The following SUPT3H variants were observed in gnomAD, a reference collection of about 807,000 sequenced individuals.
SUPT3H encodes transcription initiation protein SPT3 homolog.
SUPT3H carries 44 observed loss-of-function variants against 44.3 expected under a neutral mutation model. The observed-to-expected ratio is 0.99, with a 90% CI of 0.78 to 1.28. SUPT3H has a LOEUF of 1.28. SUPT3H is among the 50% of genes most tolerant of loss of function. The pLI is 0.00. For synonymous variants in SUPT3H, 124 were observed against 125.6 expected, an observed-to-expected ratio of 0.99 and a Z score of 0.09; for missense variants, 380 against 387.1, an observed-to-expected ratio of 0.98 and a Z score of 0.15.
intron 9 of SUPT3H, among the ~76,000 whole-genome samples, chr6:44,933,395 G>C (rs1409596974): frequency 6.6e-6 from 1 of 152,132 alleles, no homozygotes; most frequent in Non-Finnish European, 1.5e-5. Flanking sequence ...TTTGCGATGA[G>C]AGTGTGAATA....
At chr6:44,888,447 A>G (rs1762704075) in intron 10 of SUPT3H, among the ~76,000 whole-genome samples, 1 of 152,224 alleles carries the variant, frequency 6.6e-6, no homozygotes, top group Non-Finnish European at 1.5e-5. Context: ...CCTGGGATGC[A>G]AGGCTGGTTC....
At chr6:44,905,203 C>T (rs1765797528) in intron 10 of SUPT3H, among the ~76,000 whole-genome samples, 2 of 151,978 alleles carry the variant, frequency 1.3e-5, no homozygotes, top group Non-Finnish European at 2.9e-5. Flanking sequence ...TTCTGCACAG[C>T]AAAAGAAACT....
At chr6:44,810,355 G>A (rs535372429) in intron 11 of SUPT3H, among the ~76,000 whole-genome samples, 3 of 152,176 alleles carry the variant, frequency 2.0e-5, no homozygotes, top group Non-Finnish European at 4.4e-5. Flanking sequence ...TTACAGAAAT[G>A]ATGACAGTAG....
intron 2 of SUPT3H, among the ~76,000 whole-genome samples, chr6:45,165,810 GA>G (rs1024479897): frequency 6.6e-6 from 1 of 151,254 alleles, no homozygotes; most frequent in South Asian, 2.1e-4. Context: ...AAACAAAGGG[GA>G]AAAAAAAGAC....
At chr6:45,200,076 CA>C (rs1289438969) in intron 2 of SUPT3H, among the ~76,000 whole-genome samples, 2 of 151,176 alleles carry the variant, frequency 1.3e-5, no homozygotes, top group Non-Finnish European at 3.0e-5. Flanking sequence ...TTCTGTGCGA[CA>C]GATAAAAATC....
In SUPT3H at chr6:44,953,296, T is replaced by A; in HGVS notation, c.801+14A>T. 1 of 1,607,292 alleles carries A rather than the reference T, an allele frequency of 6.2e-7. No individual in the cohort carries two copies. On this transcript the variant is annotated intron_variant, in intron 9 of 10. Coordinates refer to ENST00000371459, the MANE Select transcript of SUPT3H (RefSeq NM_003599.4). ...ATTCACAAATGTTTTAAGACAGATT[T>A]TTTTTGTACTTACCTCAGCAGAGTT...
intron 10 of SUPT3H, among the ~76,000 whole-genome samples, chr6:44,886,105 A>G (rs1277262911): frequency 1.3e-5 from 2 of 152,234 alleles, no homozygotes; most frequent in Non-Finnish European, 2.9e-5. Flanking sequence ...TCCAAGAAAT[A>G]TGGGACTACG....
chr6:45,130,711 AC>A (rs1216033961), intron 2 of SUPT3H, among the ~76,000 whole-genome samples: 820 of 56,212 alleles, frequency 0.015, 36 homozygotes, highest in Non-Finnish European at 0.026. Flanking sequence ...AAAAAAAACC[AC>A]TTTTTTTTTT....
rs531330863 is a variant in SUPT3H, at chr6:44,902,013, C to T, written c.912+30640G>A. ...CCACCAGGCCTGCCCTAAAAGAGCT[C>T]CTGAAGGAAGCACTAAACATGGAAA... On this transcript the variant is annotated intron_variant, in intron 10 of 10. Coordinates refer to ENST00000371459, the MANE Select transcript of SUPT3H (RefSeq NM_003599.4). Among the ~76,000 whole-genome samples, 12 of 152,122 alleles carry T rather than the reference C, an allele frequency of 7.9e-5. No homozygotes were observed. The South Asian group carries it at 8.3e-4, about 11-fold the overall frequency.
In SUPT3H at chr6:44,829,827, G is replaced by A. The variant is rs1238024275; in HGVS notation, c.943C>T (p.Leu315=). The change falls in exon 11 of 11, where the codon CTA becomes TTA. Residue 315 remains leucine (L), a synonymous_variant. Transcript: ENST00000371459. ...NAYRRNGMAF[L]AC ...TCACAGTTGTCACATCAGCAGGCTA[G>A]AAAAGCCATCCCATTCCTGCGGTAG... 6.2e-7 allele frequency: 1 copy of A among 1,613,124 alleles called. No individual in the cohort carries two copies. The highest frequency in any genetic ancestry group is 2.2e-5 in the East Asian group (1 of 44,878).
At chr6:45,124,065 T>C (rs1802057823) in intron 2 of SUPT3H, among the ~76,000 whole-genome samples, 1 of 152,188 alleles carries the variant, frequency 6.6e-6, no homozygotes, top group African/African-American at 2.4e-5. Flanking sequence ...CAGTATCAAA[T>C]AATATGAATT....
chr6:44,900,585 C>T (rs1764836656), intron 10 of SUPT3H, among the ~76,000 whole-genome samples: 1 of 152,152 alleles, frequency 6.6e-6, no homozygotes, highest in South Asian at 2.1e-4. Context: ...GTGTAGACTC[C>T]ACCTCTGGGG....
intron 2 of SUPT3H, among the ~76,000 whole-genome samples, chr6:45,133,215 CT>C (rs1803753336): frequency 6.6e-6 from 1 of 152,146 alleles, no homozygotes; most frequent in Non-Finnish European, 1.5e-5. Context: ...ACACAAAGTT[CT>C]TTTCTTCTTG....
chr6:45,003,361 T>C (rs927972535), intron 6 of SUPT3H, among the ~76,000 whole-genome samples: 5 of 152,114 alleles, frequency 3.3e-5, no homozygotes, highest in African/African-American at 1.2e-4. Flanking sequence ...TAATTAGAAA[T>C]TAGCTTCATA....
chr6:45,080,183 T>C (rs1795597925), intron 3 of SUPT3H, among the ~76,000 whole-genome samples: 1 of 151,986 alleles, frequency 6.6e-6, no homozygotes, highest in Non-Finnish European at 1.5e-5. Flanking sequence ...AGTACACAAG[T>C]ATATGAAAAA....
intron 2 of SUPT3H, among the ~76,000 whole-genome samples, chr6:45,319,628 A>G (rs1785177904): frequency 6.6e-6 from 1 of 152,186 alleles, no homozygotes; most frequent in African/African-American, 2.4e-5. Context: ...ATCATCAAAT[A>G]ATACTCAAAG....
chr6:44,885,789 A>G (rs1044464803), intron 10 of SUPT3H, among the ~76,000 whole-genome samples: 4 of 152,330 alleles, frequency 2.6e-5, no homozygotes, highest in East Asian at 1.9e-4. Context: ...GAGTTGAGAG[A>G]AGAAGGCTTC....
chr6:44,994,231 A>G (rs992678939), intron 6 of SUPT3H, among the ~76,000 whole-genome samples: 6 of 152,280 alleles, frequency 3.9e-5, no homozygotes, highest in African/African-American at 1.4e-4. Flanking sequence ...AGGACCTAGA[A>G]CAGTGATTGA....
chr6:44,900,757 C>T (rs949248765), intron 10 of SUPT3H, among the ~76,000 whole-genome samples: 4 of 152,190 alleles, frequency 2.6e-5, no homozygotes, highest in African/African-American at 7.2e-5. Flanking sequence ...AGTAGCCTAA[C>T]TGGGAGGCAC....
Sources: gnomAD v4.1 joint callset for allele counts (sites outside exome capture counted in the v4.1 genomes callset) on GRCh38, gnomAD v4.1.1 for gene constraint, MANE v1.5 for transcripts, NCBI Gene and HGNC (gene_info 2026-07-23, HGNC 2026-07-21) for gene names.